The following LARGE1 variants were observed in gnomAD, a reference collection of about 807,000 sequenced individuals.
LARGE1 encodes the protein LARGE xylosyl- and glucuronyltransferase 1.
LARGE1 carries 43 observed loss-of-function variants against 87.6 expected under a neutral mutation model. The observed-to-expected ratio is 0.49, with a 90% CI of 0.38 to 0.63. The LOEUF is 0.63. Among genes scored for constraint, LARGE1 ranks in the 30% least tolerant of loss-of-function variants. LARGE1 has a pLI of 0.00. For synonymous variants in LARGE1, 434 were observed against 394.6 expected (o/e 1.10, Z -1.18); for missense variants, 802 against 1,000.2 (o/e 0.80, Z 2.67).
At chr22:33,512,606 C>A (rs2071107744) in intron 6 of LARGE1, among the ~76,000 whole-genome samples, 1 of 152,030 alleles carries the variant, frequency 6.6e-6, no homozygotes, top group African/African-American at 2.4e-5. Flanking sequence ...AGTTCGAGAC[C>A]AGCCTGGCCA....
intron 6 of LARGE1, among the ~76,000 whole-genome samples, chr22:33,538,867 T>C (rs2077111317): frequency 6.6e-6 from 1 of 152,238 alleles, no homozygotes; most frequent in Non-Finnish European, 1.5e-5. Context: ...GAATGCTTAA[T>C]ACAGAGTTAA....
the LARGE1 span, among the ~76,000 whole-genome samples, chr22:33,071,547 A>G: frequency 6.6e-6 from 1 of 152,214 alleles, no homozygotes; most frequent in South Asian, 2.1e-4. Flanking sequence ...TCCTATTTTT[A>G]AATGAATACA....
intron 6 of LARGE1, among the ~76,000 whole-genome samples, chr22:33,498,985 C>T (rs1167038146): frequency 6.6e-6 from 1 of 151,778 alleles, no homozygotes; most frequent in Non-Finnish European, 1.5e-5. Flanking sequence ...AAAATAAATA[C>T]ATAAATAAAC....
chr22:33,626,286 C>T lies in LARGE1; in HGVS notation c.449G>A (p.Ser150Asn). ...TTTGACCAGGGTGACGACATCCCGGCTGGCATTGTATCCGGCGCAGACAAT... is the reference window on the plus strand; with the variant it reads ...TTTGACCAGGGTGACGACATCCCGGTTGGCATTGTATCCGGCGCAGACAAT... Reference protein sequence around the residue: ...VAIVCAGYNASRDVVTLVKSV... With the variant: ...VAIVCAGYNANRDVVTLVKSV... Residue 150 changes from serine to asparagine, a missense_variant, in exon 4 of 15, where the codon AGC becomes AAC. Coordinates refer to ENST00000397394, the MANE Select transcript of LARGE1 (RefSeq NM_133642.5). The T allele has an allele frequency of 6.2e-7, 1 of 1,614,134 alleles. No individual in the cohort carries two copies. The highest frequency in any genetic ancestry group is 1.1e-5 in the South Asian group (1 of 91,078).
At chr22:33,922,455 C>G (rs1305968022), upstream of LARGE1, 1 of 152,356 alleles carries the variant, frequency 6.6e-6, no homozygotes, top group African/African-American at 2.4e-5. Context: ...CCGCTTTGCC[C>G]CGGCTCCGGA....
chr22:33,221,368 A>G (rs1925450930), intron 11 of LARGE1, among the ~76,000 whole-genome samples: 1 of 152,130 alleles, frequency 6.6e-6, no homozygotes, highest in African/African-American at 2.4e-5. Context: ...TCTGCAAGGG[A>G]CCACCTGCTG....
At chr22:33,118,919 G>T in the LARGE1 span, among the ~76,000 whole-genome samples, 3 of 152,168 alleles carry the variant, frequency 2.0e-5, no homozygotes, top group African/African-American at 4.8e-5. Flanking sequence ...TTCTTGAAGG[G>T]CCTTTTGAAT....
chr22:33,902,556 G>T (rs1278230919), intron 1 of LARGE1, among the ~76,000 whole-genome samples: 3 of 152,116 alleles, frequency 2.0e-5, no homozygotes, highest in Non-Finnish European at 2.9e-5. Flanking sequence ...TGTACGTTTT[G>T]TCTTCTCTCT....
chr22:33,628,893 G>C (rs1478763091), intron 3 of LARGE1, among the ~76,000 whole-genome samples: 2 of 152,142 alleles, frequency 1.3e-5, no homozygotes, highest in Non-Finnish European at 2.9e-5. Flanking sequence ...TCTGTGAGTA[G>C]AGGCCAGGGA....
At chr22:33,566,601 C>T (rs1569275481) in intron 5 of LARGE1, among the ~76,000 whole-genome samples, 1 of 152,134 alleles carries the variant, frequency 6.6e-6, no homozygotes, top group South Asian at 2.1e-4. Context: ...CTGTGAAGAG[C>T]GAAAGAACAA....
At chr22:33,159,948 A>AG (rs1556306692), downstream of LARGE1, among the ~76,000 whole-genome samples, 1 of 151,122 alleles carries the variant, frequency 6.6e-6, no homozygotes, top group South Asian at 2.1e-4. Context: ...AAAAAAAAAA[A>AG]CACTCAAATC....
At chr22:33,459,611 T>C (rs956041760) in intron 6 of LARGE1, among the ~76,000 whole-genome samples, 2 of 152,108 alleles carry the variant, frequency 1.3e-5, no homozygotes, top group African/African-American at 2.4e-5. Flanking sequence ...ATACCCCCAA[T>C]AGCACCCAAG....
intron 7 of LARGE1, among the ~76,000 whole-genome samples, chr22:33,394,155 A>T (rs12484626): frequency 0.33 from 48,078 of 147,034 alleles, 9,170 homozygotes; most frequent in African/African-American, 0.51. Flanking sequence ...AAGCAACTGC[A>T]GTATACTAGA....
At chr22:33,255,763 A>G (rs1008757687) in intron 11 of LARGE1, among the ~76,000 whole-genome samples, 19 of 152,340 alleles carry the variant, frequency 1.2e-4, no homozygotes, top group African/African-American at 4.6e-4. Context: ...CTGTGCAGCC[A>G]CATTCATTTC....
the LARGE1 span, among the ~76,000 whole-genome samples, chr22:33,136,136 C>T: frequency 6.6e-6 from 1 of 152,194 alleles, no homozygotes; most frequent in Non-Finnish European, 1.5e-5. Context: ...ATGTGGTTTG[C>T]TCTCTTTATA....
intron 1 of LARGE1, among the ~76,000 whole-genome samples, chr22:33,775,782 G>A (rs545780055): frequency 4.6e-5 from 7 of 151,908 alleles, no homozygotes; most frequent in African/African-American, 7.3e-5. Context: ...AACCCAGGAG[G>A]TGGAGGTTGC....
At chr22:33,121,799 G>A in the LARGE1 span, among the ~76,000 whole-genome samples, 2 of 152,144 alleles carry the variant, frequency 1.3e-5, no homozygotes, top group Admixed American at 6.5e-5. Context: ...CACATGGCTG[G>A]GGAGGCCTCA....
chr22:33,850,059 G>A (rs2063544880), intron 1 of LARGE1, among the ~76,000 whole-genome samples: 1 of 152,120 alleles, frequency 6.6e-6, no homozygotes, highest in Non-Finnish European at 1.5e-5. Flanking sequence ...TAGCTTGAGG[G>A]CCTTTTCCAC....
intron 11 of LARGE1, among the ~76,000 whole-genome samples, chr22:33,202,047 G>A (rs781142063): frequency 6.6e-6 from 1 of 151,564 alleles, no homozygotes; most frequent in Non-Finnish European, 1.5e-5. Context: ...GAGGCAGGAG[G>A]ATCACTTGAA....
Sources: gnomAD v4.1 joint callset for allele counts (sites outside exome capture counted in the v4.1 genomes callset) on GRCh38, gnomAD v4.1.1 for gene constraint, MANE v1.5 for transcripts, NCBI Gene and HGNC (gene_info 2026-07-23, HGNC 2026-07-21) for gene names.